HNF4A: variants seen among roughly 807,000 people sequenced by gnomAD.
HNF4A encodes hepatocyte nuclear factor 4-alpha.
A neutral mutation model predicts 52.4 loss-of-function variants in HNF4A; 15 were observed. That is an observed-to-expected ratio of 0.29 (90% CI 0.19 to 0.44). The LOEUF (loss-of-function observed/expected upper bound fraction) is 0.44. Among genes scored for constraint, HNF4A ranks in the 20% least tolerant of loss-of-function variants. HNF4A has a pLI of 1.00. For missense variants in HNF4A, 479 were observed against 647.2 expected, an observed-to-expected ratio of 0.74 and a Z score of 2.82; for synonymous variants, 280 against 264.4, an observed-to-expected ratio of 1.06 and a Z score of -0.57.
At chr20:44,394,187 C>T (rs989155284) in intron 1 of HNF4A, among the ~76,000 whole-genome samples, 2 of 152,114 alleles carry the variant, frequency 1.3e-5, no homozygotes, top group Non-Finnish European at 2.9e-5. Flanking sequence ...CATGGCAAGG[C>T]GTTTGCAGAG....
intron 1 of HNF4A, among the ~76,000 whole-genome samples, chr20:44,377,221 TG>T (rs1461246675): frequency 1.3e-5 from 2 of 151,880 alleles, no homozygotes; most frequent in African/African-American, 4.8e-5. Flanking sequence ...CACCTATACG[TG>T]GGGGCTAAAC....
At chr20:44,417,065 G>A (rs999135956) in intron 5 of HNF4A, among the ~76,000 whole-genome samples, 1 of 152,182 alleles carries the variant, frequency 6.6e-6, no homozygotes, top group Admixed American at 6.5e-5. Flanking sequence ...TAAACATTGT[G>A]CCTCCATTGT....
intron 1 of HNF4A, among the ~76,000 whole-genome samples, chr20:44,379,654 C>T (rs992765936): frequency 4.6e-5 from 7 of 151,494 alleles, no homozygotes; most frequent in African/African-American, 1.2e-4. Flanking sequence ...AGGGTTCAAG[C>T]GATTCTCCTG....
chr20:44,419,616 T>C (rs1387633897), intron 6 of HNF4A, 105 bp from the exon 7 acceptor site: 1 of 1,042,074 alleles, frequency 9.6e-7, no homozygotes, highest in Non-Finnish European at 1.5e-6. Context: ...CTGCAGGTCC[T>C]CCTCCCACAG....
chr20:44,359,316 C>G (rs1203878288), intron 1 of HNF4A, among the ~76,000 whole-genome samples: 1 of 152,264 alleles, frequency 6.6e-6, no homozygotes, highest in South Asian at 2.1e-4. Context: ...ACTGGCTGTC[C>G]CAGCTTCAGC....
At chr20:44,381,456 T>A (rs906300102) in intron 1 of HNF4A, among the ~76,000 whole-genome samples, 1 of 152,074 alleles carries the variant, frequency 6.6e-6, no homozygotes, top group African/African-American at 2.4e-5. Context: ...TATTTTTGTA[T>A]TTTTAGTAGA....
At chr20:44,409,261 C>T (rs1177783267) in intron 3 of HNF4A, among the ~76,000 whole-genome samples, 5 of 152,220 alleles carry the variant, frequency 3.3e-5, no homozygotes, top group Non-Finnish European at 7.3e-5. Context: ...ACCCAGTTTT[C>T]AATGGGGTTA....
At chr20:44,385,013 T>TG (rs1394033716) in intron 1 of HNF4A, among the ~76,000 whole-genome samples, 1 of 134,696 alleles carries the variant, frequency 7.4e-6, no homozygotes, top group Non-Finnish European at 1.6e-5. Context: ...GGTGGGGAGG[T>TG]GGGGATGCTG....
rs372267883 is a variant in HNF4A, at chr20:44,429,824, C to T, written c.*159C>T. 2 of 711,040 alleles carry T rather than the reference C, an allele frequency of 2.8e-6. No homozygotes were observed. Among genetic ancestry groups the T allele is most frequent in the East Asian group, 5.3e-5 (2 of 37,908 alleles). The allele number at this position is 711,040 out of a possible 1,614,324, so 44.0% of individuals were successfully genotyped here. A position where few individuals can be genotyped will look rare whatever the true frequency, so the allele number is the denominator to read the frequency against. ...GCCCGAGAACATGGCCTAAGGGCCA[C>T]ATCCCACTGCCACCCTTGACGCCCT... On this transcript the variant is annotated 3_prime_UTR_variant, in exon 10 of 10. Transcript: ENST00000316099.
intron 1 of HNF4A, among the ~76,000 whole-genome samples, chr20:44,387,734 A>AAAT (rs3038637): frequency 6.9e-6 from 1 of 145,778 alleles, no homozygotes; most frequent in South Asian, 2.2e-4. Context: ...AAAAAAAAAA[A>AAAT]GGGAAGAAGT....
exon 1 of HNF4A, chr20:44,355,762 T>C (rs766305918): frequency 1.9e-6 from 3 of 1,602,832 alleles, no homozygotes. Context: ...AGCGGGCCCC[T>C]GCTCCTCCAT....
chr20:44,404,533 CTG>C (rs1235274286), intron 1 of HNF4A, among the ~76,000 whole-genome samples: 1 of 150,788 alleles, frequency 6.6e-6, no homozygotes, highest in Admixed American at 6.6e-5. Flanking sequence ...TGTGTGTGGA[CTG>C]TGTGTATGTG....
intron 1 of HNF4A, among the ~76,000 whole-genome samples, chr20:44,392,709 G>C (rs1385869305): frequency 6.6e-6 from 1 of 152,144 alleles, no homozygotes; most frequent in African/African-American, 2.4e-5. Flanking sequence ...TCTCTGCTTT[G>C]TTAGACAAAA....
intron 1 of HNF4A, among the ~76,000 whole-genome samples, chr20:44,405,507 G>A (rs1319670458): frequency 6.6e-6 from 1 of 152,048 alleles, no homozygotes; most frequent in East Asian, 1.9e-4. Context: ...AGATGCAGTA[G>A]CTTTTGCCTG....
At chr20:44,356,336 G>A (rs931421579) in intron 1 of HNF4A, among the ~76,000 whole-genome samples, 1 of 152,154 alleles carries the variant, frequency 6.6e-6, no homozygotes, top group African/African-American at 2.4e-5. Flanking sequence ...AGAAAGCGCC[G>A]CGCAGGGTGG....
At chr20:44,414,139 T>A (rs2063626576) in intron 4 of HNF4A, among the ~76,000 whole-genome samples, 1 of 152,212 alleles carries the variant, frequency 6.6e-6, no homozygotes, top group South Asian at 2.1e-4. Context: ...GCCCAGCCCT[T>A]CCCTTGCTGA....
At chr20:44,414,480 G>T in intron 4 of HNF4A, 27 bp from the exon 5 acceptor site, 1 of 1,614,124 alleles carries the variant, frequency 6.2e-7, no homozygotes, top group Non-Finnish European at 8.5e-7. Context: ...GACATCTCCA[G>T]CATTTTCTTC....
chr20:44,363,602 C>T (rs1017503183), intron 1 of HNF4A, among the ~76,000 whole-genome samples: 9 of 151,838 alleles, frequency 5.9e-5, no homozygotes, highest in Non-Finnish European at 8.8e-5. Context: ...AGGGAGGGGA[C>T]AGACCTATCC....
intron 1 of HNF4A, among the ~76,000 whole-genome samples, chr20:44,368,115 C>T (rs1248858886): frequency 5.5e-4 from 41 of 75,220 alleles, no homozygotes; most frequent in Middle Eastern, 0.012. Flanking sequence ...TGTGTGTATA[C>T]ATATATGTGT....
Sources: gnomAD v4.1 joint callset for allele counts (sites outside exome capture counted in the v4.1 genomes callset) on GRCh38, gnomAD v4.1.1 for gene constraint, MANE v1.5 for transcripts, NCBI Gene and HGNC (gene_info 2026-07-23, HGNC 2026-07-21) for gene names.